Variants in SORBS2 observed in about 807,000 individuals in gnomAD.
SORBS2 encodes sorbin and SH3 domain-containing protein 2.
A neutral mutation model predicts 97.7 loss-of-function variants in SORBS2; 46 were observed. The ratio of observed to expected loss-of-function variants is 0.47; its 90% CI spans 0.37 to 0.60. The LOEUF (loss-of-function observed/expected upper bound fraction) is 0.60. SORBS2 is among the 20% of genes least tolerant of loss of function. SORBS2 has a pLI of 0.00. For synonymous variants in SORBS2, 476 were observed against 473.4 expected (o/e 1.01, Z -0.07); for missense variants, 1,316 against 1,282.3 (o/e 1.03, Z -0.40).
At chr4:185,846,838 A>T (rs887712379) in intron 1 of SORBS2, among the ~76,000 whole-genome samples, 12 of 152,202 alleles carry the variant, frequency 7.9e-5, no homozygotes, top group Admixed American at 1.3e-4. Context: ...GAATGGAGTT[A>T]TGATTCAGAA....
At chr4:185,948,896 G>C (rs13118657) in intron 1 of SORBS2, among the ~76,000 whole-genome samples, 1 of 151,318 alleles carries the variant, frequency 6.6e-6, no homozygotes, top group Non-Finnish European at 1.5e-5. Flanking sequence ...TCTTTTTCTC[G>C]TAAGGTGAAA....
At chr4:185,667,116 C>T (rs538465761) in intron 4 of SORBS2, among the ~76,000 whole-genome samples, 15 of 152,214 alleles carry the variant, frequency 9.9e-5, no homozygotes, top group African/African-American at 2.4e-4. Context: ...AATAAAACTC[C>T]GAAGCAACTT....
chr4:185,704,013 C>T (rs1287184639), intron 2 of SORBS2, among the ~76,000 whole-genome samples: 1 of 152,154 alleles, frequency 6.6e-6, no homozygotes, highest in Non-Finnish European at 1.5e-5. Context: ...ATGATTTGTA[C>T]TTCTAACATC....
chr4:185,628,696 C>T lies in SORBS2; in HGVS notation c.447-1677G>A, dbSNP rs1000871330. On this transcript the variant is annotated intron_variant, in intron 5 of 14. Coordinates refer to ENST00000418609, the Ensembl canonical transcript of SORBS2. Reference sequence around the variant, plus strand: ...CACAGGAGTTTGAGGCTGCAGTGAGCCATGATTGCACCACTGCACTCCAGC... The same window carrying T: ...CACAGGAGTTTGAGGCTGCAGTGAGTCATGATTGCACCACTGCACTCCAGC... Among the ~76,000 whole-genome samples the T allele has an allele frequency of 7.2e-5, 11 of 152,196 alleles. 1 individual carries two copies.
intron 2 of SORBS2, among the ~76,000 whole-genome samples, chr4:185,741,639 C>G (rs543945968): frequency 2.6e-5 from 4 of 152,214 alleles, no homozygotes; most frequent in African/African-American, 9.6e-5. Flanking sequence ...GCTGGGATTA[C>G]AGGCGTGAGC....
chr4:185,827,759 C>CCAT lies in SORBS2; in HGVS notation c.-337-52396_-337-52394dup, dbSNP rs1406702500. ...ATCATCACCATCATCACCATCATCACCATCATCATCACCATCACCATCATC... is the reference window on the plus strand; with the variant it reads ...ATCATCACCATCATCACCATCATCACCATCATCATCATCACCATCACCATCATC... On this transcript the variant is annotated intron_variant, in intron 1 of 20. Transcript: ENST00000284776. Among the ~76,000 whole-genome samples, 11 of 14,232 alleles carry CCAT rather than the reference C, an allele frequency of 7.7e-4. 2 individuals carry two copies. The highest frequency in any genetic ancestry group is 1.6e-3 in the Non-Finnish European group (9 of 5,680). The allele number at this position is 14,232 out of a possible 152,430, so 9.3% of individuals were successfully genotyped here.
intron 1 of SORBS2, among the ~76,000 whole-genome samples, chr4:185,936,505 CAG>C (rs1350529169): frequency 1.3e-5 from 2 of 152,298 alleles, no homozygotes; most frequent in Admixed American, 1.3e-4. Context: ...GCTTTCAAGA[CAG>C]AGAATTGAAT....
rs1424794374 is a variant in SORBS2, at chr4:185,702,705, T to C, written c.-197-23883A>G. Among the ~76,000 whole-genome samples the C allele has an allele frequency of 2.0e-5, 3 of 152,170 alleles. No individual in the cohort carries two copies. In the East Asian group the frequency reaches 5.8e-4, roughly 29 times the overall value. ...TAAAGTGGGAGTCGGTGTTAAGCCTTGTGTGGGAAGGTATGCTTGGGCAAA... is the reference window on the plus strand; with the variant it reads ...TAAAGTGGGAGTCGGTGTTAAGCCTCGTGTGGGAAGGTATGCTTGGGCAAA... On this transcript the variant is annotated intron_variant, in intron 2 of 20. Transcript: ENST00000284776.
At chr4:185,690,749 T>C in intron 2 of SORBS2, 138 bp from the exon 4 acceptor site, 2 of 465,154 alleles carry the variant, frequency 4.3e-6, no homozygotes, top group Non-Finnish European at 7.8e-6. Context: ...CAGTGTTTAA[T>C]AAGGTAGGAA....
chr4:185,754,916 C>T (rs953105985), intron 2 of SORBS2, among the ~76,000 whole-genome samples: 1 of 152,184 alleles, frequency 6.6e-6, no homozygotes, highest in African/African-American at 2.4e-5. Context: ...CGATTCCTTC[C>T]AACTGCAGAG....
chr4:185,597,092 T>C (rs930626867), intron 12 of SORBS2, among the ~76,000 whole-genome samples: 1 of 152,220 alleles, frequency 6.6e-6, no homozygotes, highest in Non-Finnish European at 1.5e-5. Flanking sequence ...TGAGGAAAGC[T>C]GACTAATTAC....
chr4:185,596,234 GT>G (rs1482282849), intron 12 of SORBS2, among the ~76,000 whole-genome samples: 3 of 152,092 alleles, frequency 2.0e-5, no homozygotes, highest in Admixed American at 2.0e-4. Flanking sequence ...TGTAAAACTG[GT>G]TAGTTTCATT....
chr4:185,647,887 A>C (rs928333117), intron 3 of SORBS2, among the ~76,000 whole-genome samples: 2 of 152,228 alleles, frequency 1.3e-5, no homozygotes, highest in African/African-American at 4.8e-5. Flanking sequence ...GAGATATTTA[A>C]TTTTAACAAA....
intron 11 of SORBS2, among the ~76,000 whole-genome samples, chr4:185,613,646 CAAA>C (rs35723770): frequency 0.029 from 2,481 of 85,754 alleles, 67 homozygotes; most frequent in African/African-American, 0.093. Context: ...CACTCCATCT[CAAA>C]AAAAAAAAAA....
At chr4:185,635,322 A>T (rs779380165) in intron 4 of SORBS2, 33 bp downstream of exon 16, 1 of 1,471,474 alleles carries the variant, frequency 6.8e-7, no homozygotes, top group South Asian at 1.1e-5. Flanking sequence ...TCTAAGGGAG[A>T]TATCTGAAAA....
intron 1 of SORBS2, among the ~76,000 whole-genome samples, chr4:185,922,836 A>G (rs976941593): frequency 8.5e-5 from 13 of 152,172 alleles, no homozygotes; most frequent in African/African-American, 3.1e-4. Flanking sequence ...TCTCATTTCT[A>G]GGGGAGGAGA....
At chr4:185,794,048 CA>C (rs1444870755) in intron 1 of SORBS2, among the ~76,000 whole-genome samples, 3 of 151,894 alleles carry the variant, frequency 2.0e-5, no homozygotes, top group Non-Finnish European at 4.4e-5. Context: ...GAAAGTCTGT[CA>C]AAAAGCATTT....
chr4:185,746,805 A>G (rs1562266412), intron 2 of SORBS2, among the ~76,000 whole-genome samples: 1 of 152,178 alleles, frequency 6.6e-6, no homozygotes, highest in African/African-American at 2.4e-5. Context: ...TCTCCCATCT[A>G]CCAGATTTTC....
chr4:185,622,472 AG>A (rs2096733782), intron 7 of SORBS2, among the ~76,000 whole-genome samples: 1 of 152,248 alleles, frequency 6.6e-6, no homozygotes, highest in Non-Finnish European at 1.5e-5. Context: ...GTTTTGATAT[AG>A]TATCTTCTAT....
Sources: gnomAD v4.1 joint callset for allele counts (sites outside exome capture counted in the v4.1 genomes callset) on GRCh38, gnomAD v4.1.1 for gene constraint, MANE v1.5 for transcripts, NCBI Gene and HGNC (gene_info 2026-07-23, HGNC 2026-07-21) for gene names.